Variants in TMPRSS11E observed in about 807,000 individuals in gnomAD.
TMPRSS11E encodes the protein transmembrane serine protease 11E.
In TMPRSS11E, 38 loss-of-function variants were observed where a neutral mutation model predicts 48.1. That is an observed-to-expected ratio of 0.79 (90% CI 0.61 to 1.04). The LOEUF is 1.04. Among genes scored for constraint, TMPRSS11E ranks in the 50% least tolerant of loss-of-function variants. The pLI is 0.00. For synonymous variants in TMPRSS11E, 158 were observed against 171.9 expected (o/e 0.92, Z 0.63); for missense variants, 530 against 510.8 (o/e 1.04, Z -0.36).
At chr4:68,461,675 A>G (rs1211942084) in intron 1 of TMPRSS11E, 146 bp from the exon 2 acceptor site, 2 of 1,258,432 alleles carry the variant, frequency 1.6e-6, no homozygotes, top group African/African-American at 3.0e-5. Context: ...TGGCCTCAGC[A>G]GCCTGGAACC....
intron 2 of TMPRSS11E, 91 bp downstream of exon 2, chr4:68,462,036 T>C: frequency 6.7e-7 from 1 of 1,494,656 alleles, no homozygotes; most frequent in Non-Finnish European, 9.2e-7. Flanking sequence ...TATTCATTTA[T>C]CACTACGATT....
chr4:68,471,171 C>T (rs1304357750), intron 4 of TMPRSS11E, among the ~76,000 whole-genome samples: 1 of 151,764 alleles, frequency 6.6e-6, no homozygotes, highest in Non-Finnish European at 1.5e-5. Context: ...TTTATGTGTG[C>T]ATTTCATGTA....
intron 1 of TMPRSS11E, among the ~76,000 whole-genome samples, chr4:68,450,545 A>G (rs1728469652): frequency 1.3e-5 from 2 of 151,982 alleles, no homozygotes; most frequent in Non-Finnish European, 2.9e-5. Flanking sequence ...CAACAGAGAA[A>G]TAGAAAATAA....
chr4:68,464,061 C>T (rs1054232712), intron 2 of TMPRSS11E, among the ~76,000 whole-genome samples: 4 of 152,124 alleles, frequency 2.6e-5, no homozygotes, highest in African/African-American at 9.7e-5. Flanking sequence ...TTTGGATGAT[C>T]AACTGAGTAA....
chr4:68,449,858 T>C (rs1728445749), intron 1 of TMPRSS11E, among the ~76,000 whole-genome samples: 1 of 151,882 alleles, frequency 6.6e-6, no homozygotes, highest in Admixed American at 6.6e-5. Context: ...CCCAGTCACC[T>C]TTCCCTTCAA....
rs1457040943 is a variant in TMPRSS11E at position 68,497,017 on chromosome 4, A to G, written c.*213A>G. ...AGATCAACTCTGTCATCTGTGAGCA[A>G]TAGTTGAAACTTTATGTACATAGAG... On this transcript the variant is annotated 3_prime_UTR_variant, in exon 10 of 10. Transcript: ENST00000305363. 4.0e-6 allele frequency: 2 copies of G among 504,030 alleles called. No individual in the cohort carries two copies. Among genetic ancestry groups the G allele is most frequent in the Non-Finnish European group, 7.1e-6 (2 of 283,222 alleles). The allele number at this position is 504,030 out of a possible 1,614,324, so 31.2% of individuals were successfully genotyped here.
At chr4:68,468,695 C>A (rs34243356) in intron 3 of TMPRSS11E, among the ~76,000 whole-genome samples, 184 bp from the exon 4 acceptor site, 27,899 of 151,930 alleles carry the variant, frequency 0.18, 2,902 homozygotes, top group Admixed American at 0.25. Flanking sequence ...CCTAAGACAG[C>A]GTTCAGTTGA....
At chr4:68,467,698 A>G (rs1291186645) in intron 3 of TMPRSS11E, among the ~76,000 whole-genome samples, 1 of 152,218 alleles carries the variant, frequency 6.6e-6, no homozygotes, top group Admixed American at 6.5e-5. Flanking sequence ...AGTAGACAGA[A>G]GCCTGGGGAT....
intron 1 of TMPRSS11E, among the ~76,000 whole-genome samples, chr4:68,450,608 C>G (rs1728471132): frequency 6.6e-6 from 1 of 151,774 alleles, no homozygotes; most frequent in Non-Finnish European, 1.5e-5. Flanking sequence ...TTTAAAAAAC[C>G]AGAAGATGTA....
intron 9 of TMPRSS11E, among the ~76,000 whole-genome samples, chr4:68,489,889 TG>T (rs1455717804): frequency 9.8e-5 from 15 of 152,290 alleles, no homozygotes; most frequent in Admixed American, 9.8e-4. Context: ...GTATGATATT[TG>T]GGGGATGGGC....
rs533593965 is a variant in TMPRSS11E at position 68,468,666 on chromosome 4, G to A, written c.259-213G>A. 3.3e-5 allele frequency among the ~76,000 whole-genome samples: 5 copies of A among 152,140 alleles called. No individual in the cohort carries two copies. In the South Asian group the frequency reaches 1.0e-3, roughly 32 times the overall value. On this transcript the variant is annotated intron_variant, in intron 3 of 9. Coordinates refer to ENST00000305363, the MANE Select transcript of TMPRSS11E (RefSeq NM_014058.4). The stretch of plus-strand genomic sequence containing the variant: ...AGATATCACTTCTGGCCCCACTGCG[G>A]TTCCCTACTCCTATCATTCCTAAGA...
intron 9 of TMPRSS11E, among the ~76,000 whole-genome samples, chr4:68,494,605 T>C (rs1381639288): frequency 1.3e-5 from 2 of 151,896 alleles, no homozygotes; most frequent in Non-Finnish European, 2.9e-5. Context: ...TGTTTCTCAC[T>C]AAACCATTCA....
At chr4:68,461,325 C>T (rs1247250121) in intron 1 of TMPRSS11E, among the ~76,000 whole-genome samples, 1 of 152,158 alleles carries the variant, frequency 6.6e-6, no homozygotes. Flanking sequence ...GAATTAGCAA[C>T]TCCATGTGAA....
intron 5 of TMPRSS11E, 89 bp from the exon 6 acceptor site, chr4:68,474,634 A>C (rs1188769252): frequency 8.1e-7 from 1 of 1,231,096 alleles, no homozygotes; most frequent in Middle Eastern, 1.9e-4. Context: ...TTTATAATAA[A>C]ATTAAGCAGC....
intron 9 of TMPRSS11E, among the ~76,000 whole-genome samples, chr4:68,488,001 G>A (rs1012366306): frequency 9.5e-5 from 14 of 147,998 alleles, no homozygotes; most frequent in Non-Finnish European, 1.8e-4. Flanking sequence ...AATCTCTTTT[G>A]GCTTATAAGG....
chr4:68,478,147 A>ATTTTTTTTTTTTTTTTTTTTTTTTTTTTT (rs879193345), intron 8 of TMPRSS11E, among the ~76,000 whole-genome samples: 1 of 90,532 alleles, frequency 1.1e-5, no homozygotes. Flanking sequence ...CTGTATCACT[A>ATTTTTTTTTTTTTTTTTTTTTTTTTTTTT]TCTTTTTTTT....
chr4:68,491,783 A>G (rs946181327), intron 9 of TMPRSS11E, among the ~76,000 whole-genome samples: 12 of 152,180 alleles, frequency 7.9e-5, no homozygotes, highest in Non-Finnish European at 8.8e-5. Flanking sequence ...TGTGCTTTCT[A>G]ATCTGTATTC....
At chr4:68,487,923 AAGG>A (rs1729605223) in intron 9 of TMPRSS11E, among the ~76,000 whole-genome samples, 1 of 140,408 alleles carries the variant, frequency 7.1e-6, no homozygotes, top group Non-Finnish European at 1.5e-5. Context: ...CCTGGGTGAC[AAGG>A]GTGAGACTCT....
intron 9 of TMPRSS11E, among the ~76,000 whole-genome samples, chr4:68,484,019 A>G (rs2708686): frequency 0.66 from 100,110 of 151,594 alleles, 33,420 homozygotes; most frequent in East Asian, 0.86. Flanking sequence ...TACTAGCACC[A>G]TGATCTTCTG....
Sources: gnomAD v4.1 joint callset for allele counts (sites outside exome capture counted in the v4.1 genomes callset) on GRCh38, gnomAD v4.1.1 for gene constraint, MANE v1.5 for transcripts, NCBI Gene and HGNC (gene_info 2026-07-23, HGNC 2026-07-21) for gene names.